Variants in VWDE observed in about 807,000 individuals in gnomAD.
VWDE encodes the protein von Willebrand factor D and EGF domain-containing protein.
A neutral mutation model predicts 178.4 loss-of-function variants in VWDE; 207 were observed. That is an observed-to-expected ratio of 1.16 (90% confidence interval 1.04 to 1.30). The LOEUF is 1.30. Among genes scored for constraint, VWDE ranks in the 50% most tolerant of loss-of-function variants. The pLI, the probability that VWDE is intolerant of heterozygous loss-of-function variation, is 0.00. For missense variants in VWDE, 2,287 were observed against 1,901.3 expected, an observed-to-expected ratio of 1.20 and a Z score of -3.77; for synonymous variants, 738 against 651.4, an observed-to-expected ratio of 1.13 and a Z score of -2.02.
Position 12,344,307 on chromosome 7 carries a change from C to A in VWDE, c.3983-17G>T. 6.5e-7 allele frequency: 1 copy of A among 1,550,238 alleles called. No homozygotes were observed. Among genetic ancestry groups the A allele is most frequent in the Non-Finnish European group, 8.7e-7 (1 of 1,146,114 alleles). ...CACAAAGAGCTGTATAAAATAAAGCCCAAGTTTTAGACATATCAATTACCA... is the reference window on the plus strand; with the variant it reads ...CACAAAGAGCTGTATAAAATAAAGCACAAGTTTTAGACATATCAATTACCA... On this transcript the variant is annotated splice_polypyrimidine_tract_variant and intron_variant, in intron 20 of 28. Coordinates refer to ENST00000275358, the MANE Select transcript of VWDE (RefSeq NM_001135924.3).
intron 10 of VWDE, 83 bp from the exon 11 acceptor site, chr7:12,370,947 A>T: frequency 9.2e-7 from 1 of 1,087,456 alleles, no homozygotes; most frequent in Middle Eastern, 2.7e-4. Context: ...TATTTAAAAA[A>T]TAAGAAATAG....
chr7:12,349,665 TAA>T (rs1781825200), intron 19 of VWDE, among the ~76,000 whole-genome samples: 1 of 150,268 alleles, frequency 6.7e-6, no homozygotes, highest in African/African-American at 2.4e-5. Context: ...TACAAATCAA[TAA>T]AAAAGGCAAG....
rs1781492486 is a variant in VWDE at position 12,344,384 on chromosome 7, G to T, written c.3972C>A (p.Asn1324Lys). 3.9e-6 allele frequency: 6 copies of T among 1,550,882 alleles called. No individual in the cohort carries two copies. Among genetic ancestry groups the T allele is most frequent in the Non-Finnish European group, 4.4e-6 (5 of 1,146,542 alleles). ...CKCKPGYIGS[N>K]CQTALCDPDC... ...AATGATGTTACCTACCAGTTTGGCA[G>T]TTAGAACCAATGTAACCAGGTTTAC... Residue 1324 changes from asparagine to lysine, a missense_variant, in exon 20 of 29, where the codon AAC (asparagine) becomes AAA (lysine). By Grantham distance (94) the Asn-to-Lys change is moderately conservative. Transcript: ENST00000275358.
chr7:12,347,892 C>T (rs1420549382), intron 19 of VWDE, among the ~76,000 whole-genome samples: 4 of 152,082 alleles, frequency 2.6e-5, no homozygotes, highest in African/African-American at 9.7e-5. Flanking sequence ...ATCAATAGAA[C>T]AGAACAGAAC....
intron 18 of VWDE, among the ~76,000 whole-genome samples, chr7:12,353,638 A>G (rs905202073): frequency 2.8e-5 from 1 of 35,968 alleles, no homozygotes; most frequent in Non-Finnish European, 7.5e-5. Flanking sequence ...ATATATTTGA[A>G]GTATTTTCTT....
rs1348457347 is a variant in VWDE at position 12,367,460 on chromosome 7, GCATT to G, written c.2791_2794del (p.Asn931LeufsTer12). 6.5e-7 allele frequency: 1 copy of G among 1,536,326 alleles called. No individual in the cohort carries two copies. The highest frequency in any genetic ancestry group is 8.8e-7 in the Non-Finnish European group (1 of 1,139,632). Reference sequence around the variant, plus strand: ...ATATTTTTGAACATCACAGAATCCAGCATTCCCAAGCTCTGTAATTTCAGGAGCT... The same window carrying G: ...ATATTTTTGAACATCACAGAATCCAGCCCAAGCTCTGTAATTTCAGGAGCT... On this transcript the variant is annotated frameshift_variant, in exon 13 of 29. Transcript: ENST00000275358. LOFTEE classifies it high-confidence loss of function.
intron 19 of VWDE, 138 bp from the exon 20 acceptor site, chr7:12,344,607 C>A: frequency 1.5e-6 from 1 of 649,006 alleles, no homozygotes; most frequent in East Asian, 2.8e-5. Flanking sequence ...ATACTGAGAA[C>A]GTAAGAATAC....
chr7:12,375,039 A>G lies in VWDE; in HGVS notation c.1213T>C (p.Trp405Arg), dbSNP rs553802634. Residue 405 changes from tryptophan (W) to arginine (R), a missense_variant, in exon 8 of 29, where the codon TGG becomes CGG. By Grantham distance (101) the Trp-to-Arg change is moderately radical. Transcript: ENST00000275358. ...VQPIVNEDFLWNNYIPDSIQI... is the reference protein window; with the variant it reads ...VQPIVNEDFLRNNYIPDSIQI... ...ATGCTGTCTGGAATGTAGTTGTTCC[A>G]CAGGAAATCCTCATTAACTATTGGT... 6.4e-7 allele frequency: 1 copy of G among 1,551,268 alleles called. No individual in the cohort carries two copies. The highest frequency in any genetic ancestry group is 8.7e-7 in the Non-Finnish European group (1 of 1,146,644).
chr7:12,333,687 T>C, intron 27 of VWDE, 119 bp from the exon 28 acceptor site: 1 of 661,338 alleles, frequency 1.5e-6, no homozygotes, highest in Non-Finnish European at 2.7e-6. Context: ...TAAGAATCTA[T>C]TAATGAACCA....
In VWDE at chr7:12,370,837, G is replaced by C; in HGVS notation, c.1615C>G (p.Arg539Gly). The change falls in exon 11 of 29, where the codon CGT becomes GGT. Residue 539 changes from arginine to glycine, a missense_variant. By Grantham distance (125) the Arg-to-Gly change is moderately radical. Transcript: ENST00000275358. ...ATGCCCCATTCACCAAGATCAGCAC[G>C]GATAAATGCCCCAGAAGAAAACCAG... The part of the protein sequence containing the change: ...TIWFSSGAFI[R>G]ADLGEWGMSL... The C allele has an allele frequency of 6.5e-7, 1 of 1,536,430 alleles. No individual in the cohort carries two copies. Among genetic ancestry groups the C allele is most frequent in the South Asian group, 1.3e-5 (1 of 79,820 alleles).
chr7:12,369,701 C>T lies in VWDE; in HGVS notation c.2605G>A (p.Glu869Lys), dbSNP rs17165910. The T allele has an allele frequency of 0.12, 190,873 of 1,551,438 alleles. 12,667 individuals carry two copies. Among genetic ancestry groups the T allele is most frequent in the East Asian group, 0.22 (8,922 of 40,882 alleles). The stretch of plus-strand genomic sequence containing the variant: ...TACTCTTCTGTGTTATATTTCCCCT[C>T]CTCCACAATCCTCTTTTCACATTCA... ...ENECEKRIVE[E>K]GKYNTEEYGT... Residue 869 changes from glutamate to lysine, a missense_variant, in exon 12 of 29, where the codon GAG (glutamate) becomes AAG (lysine). By Grantham distance (56) the Glu-to-Lys change is moderately conservative. Transcript: ENST00000275358.
chr7:12,367,218 A>T, intron 13 of VWDE, 139 bp downstream of exon 13: 1 of 579,412 alleles, frequency 1.7e-6, no homozygotes, highest in Non-Finnish European at 2.6e-6. Context: ...TATGTAACTT[A>T]ATCATTTTCC....
intron 13 of VWDE, among the ~76,000 whole-genome samples, chr7:12,362,319 C>T (rs1030003116): frequency 1.3e-5 from 2 of 151,986 alleles, no homozygotes; most frequent in African/African-American, 4.8e-5. Context: ...AATTCAGCTA[C>T]TTTCTTATTC....
rs1315146475 is a variant in VWDE at position 12,333,489 on chromosome 7, T to C, written c.4734A>G (p.Gly1578=). The change falls in exon 28 of 29, where the codon GGA becomes GGG. Residue 1578 remains glycine, a synonymous_variant. Coordinates refer to ENST00000275358, the MANE Select transcript of VWDE (RefSeq NM_001135924.3). The stretch of plus-strand genomic sequence containing the variant: ...CCTGTATTTTCTTCTCACATTTGAC[T>C]CCAGAGTATTCAGTGCGGCAGGAAC... ...NVCSCRTEYS[G]VKCEKKIQIR... 1 of 1,549,698 alleles carries C rather than the reference T, an allele frequency of 6.5e-7. No individual in the cohort carries two copies. The highest frequency in any genetic ancestry group is 1.2e-5 in the South Asian group (1 of 83,860).
rs528082668 is a variant in VWDE at position 12,344,285 on chromosome 7, A to T, written c.3988T>A (p.Cys1330Ser). The T allele has an allele frequency of 1.5e-5, 23 of 1,551,152 alleles. No individual in the cohort carries two copies. In the African/African-American group the frequency reaches 3.1e-4, roughly 21 times the overall value. The change falls in exon 21 of 29, where the codon TGT (cysteine) becomes AGT (serine). Residue 1330 changes from cysteine to serine, a missense_variant. Transcript: ENST00000275358. ...CCATGGTTTTTGCAATCAGGGTCAC[A>T]AAGAGCTGTATAAAATAAAGCCCAA... ...YIGSNCQTAL[C>S]DPDCKNHGKC...
At chr7:12,340,967 A>T (rs369147119) in intron 23 of VWDE, among the ~76,000 whole-genome samples, 4 of 151,992 alleles carry the variant, frequency 2.6e-5, no homozygotes, top group African/African-American at 9.7e-5. Flanking sequence ...AGACATCCCC[A>T]ATTTTATTTT....
chr7:12,347,026 T>TA (rs1207616514), intron 19 of VWDE, among the ~76,000 whole-genome samples: 1 of 152,132 alleles, frequency 6.6e-6, no homozygotes, highest in East Asian at 1.9e-4. Context: ...GGGTTCAGAC[T>TA]AATAGAAACA....
chr7:12,403,246 C>T (rs1365213612), intron 1 of VWDE, among the ~76,000 whole-genome samples: 2 of 152,098 alleles, frequency 1.3e-5, no homozygotes, highest in African/African-American at 2.4e-5. Context: ...TCTGAGGGTC[C>T]GGTTGGAGGT....
At chr7:12,367,598 T>G (rs749649376) in intron 12 of VWDE, 105 bp from the exon 13 acceptor site, 1 of 989,330 alleles carries the variant, frequency 1.0e-6, no homozygotes, top group Non-Finnish European at 1.4e-6. Flanking sequence ...AAATAATATT[T>G]TAAAGTATAC....
Sources: allele counts gnomAD v4.1 joint callset (sites outside exome capture counted in the v4.1 genomes callset), GRCh38; gene constraint gnomAD v4.1.1; transcripts MANE v1.5; gene names NCBI Gene and HGNC (gene_info 2026-07-23, HGNC 2026-07-21).